RAB44: variants seen among roughly 807,000 people sequenced by gnomAD.
RAB44 encodes the protein ras-related protein Rab-44.
RAB44 carries 67 observed loss-of-function variants against 93.3 expected under a neutral mutation model. The observed-to-expected ratio is 0.72, with a 90% CI of 0.59 to 0.88. The LOEUF (loss-of-function observed/expected upper bound fraction) is 0.88. RAB44 is among the 40% of genes least tolerant of loss of function. The pLI is 0.00. For missense variants in RAB44, 1,064 were observed against 1,261.7 expected (o/e 0.84, Z 2.37); for synonymous variants, 427 against 520.3 (o/e 0.82, Z 2.44).
chr6:36,717,648 G>A lies in RAB44; in HGVS notation c.641+229G>A, dbSNP rs765766879. Among the ~76,000 whole-genome samples the A allele has an allele frequency of 5.9e-5, 9 of 151,696 alleles. No individual in the cohort carries two copies. The highest frequency in any genetic ancestry group is 1.3e-4 in the Non-Finnish European group (9 of 67,842). On this transcript the variant is annotated intron_variant, in intron 5 of 13. Coordinates refer to ENST00000612677, the MANE Select transcript of RAB44 (RefSeq NM_001257357.2). The surrounding 1 kb of genome is among the most constrained non-coding windows in gnomAD (Gnocchi z 4.1). ...GTCTTGGTACAGGACCCACTGTGAC[G>A]CCCAACTCCAGGGGGCCTGCTCCCG...
chr6:36,709,578 C>T (rs1163494776), intron 2 of RAB44, among the ~76,000 whole-genome samples: 3 of 152,132 alleles, frequency 2.0e-5, no homozygotes, highest in Non-Finnish European at 4.4e-5. Context: ...TGTTTTGAGA[C>T]AGGGTCTTGC....
chr6:36,729,971 A>G (rs1763324507), intron 12 of RAB44, among the ~76,000 whole-genome samples: 1 of 152,190 alleles, frequency 6.6e-6, no homozygotes, highest in African/African-American at 2.4e-5. Context: ...ATTTGGCAGC[A>G]ATTGGTGGTT....
chr6:36,711,547 TAAG>T (rs1426405089), intron 2 of RAB44, among the ~76,000 whole-genome samples: 10 of 152,342 alleles, frequency 6.6e-5, no homozygotes, highest in East Asian at 5.8e-4. Context: ...TAGCGATTTC[TAAG>T]AAGAATTGTT....
chr6:36,706,187 G>A (rs992122534), intron 2 of RAB44, among the ~76,000 whole-genome samples: 1 of 151,972 alleles, frequency 6.6e-6, no homozygotes. Context: ...GGTGTGAGCT[G>A]CCATGCCCAG....
At position 36,720,471 on chromosome 6, in the gene RAB44, C is replaced by A; in HGVS notation, c.937C>A (p.Arg313=). 8.1e-7 allele frequency: 1 copy of A among 1,233,014 alleles called. No homozygotes were observed. Among genetic ancestry groups the A allele is most frequent in the Non-Finnish European group, 1.0e-6 (1 of 988,356 alleles). 76.4% of individuals were successfully genotyped at this position (1,233,014 alleles called of 1,614,324 possible). A position where few individuals can be genotyped will look rare whatever the true frequency, so the allele number is the denominator to read the frequency against. ...RDLAGRLEEV[R]GQLQVTRGRL... ...CCTGGCTGGGCGGCTGGAGGAGGTG[C>A]GGGGGCAGCTGCAGGTGACCAGGGG... is the stretch of plus-strand genomic sequence containing the variant. The change falls in exon 8 of 14, where the codon CGG becomes AGG. Residue 313 remains arginine (R), a synonymous_variant. Coordinates refer to ENST00000612677, the MANE Select transcript of RAB44 (RefSeq NM_001257357.2).
Position 36,707,256 on chromosome 6 carries a change from C to T in RAB44, c.207+2814C>T, listed in dbSNP as rs560197225. On this transcript the variant is annotated intron_variant, in intron 2 of 13. Coordinates refer to ENST00000612677, the MANE Select transcript of RAB44 (RefSeq NM_001257357.2). ...TCTGTAATCCTAGCTACTTGGGAGG[C>T]TGAGGCAGGAAAATCACTTCAACGT... 4.0e-5 allele frequency among the ~76,000 whole-genome samples: 6 copies of T among 151,896 alleles called. 1 individual carries two copies. The highest frequency in any genetic ancestry group is 3.9e-4 in the Admixed American group (6 of 15,238).
Position 36,718,537 on chromosome 6 carries a change from C to T in RAB44, c.777C>T (p.Val259=), listed in dbSNP as rs1348283943. The change falls in exon 7 of 14, where the codon GTC becomes GTT. Residue 259 remains valine (V), a synonymous_variant. Coordinates refer to ENST00000612677, the MANE Select transcript of RAB44 (RefSeq NM_001257357.2). The part of the protein sequence containing the change: ...GLALTSQMQD[V]LEAKEREVQR... ...CCCTCACCTCCCAGATGCAGGACGTCCTAGAGGCCAAGGAGCGCGAGGTGC... is the reference window on the plus strand; with the variant it reads ...CCCTCACCTCCCAGATGCAGGACGTTCTAGAGGCCAAGGAGCGCGAGGTGC... 6 of 1,234,138 alleles carry T rather than the reference C, an allele frequency of 4.9e-6. No individual in the cohort carries two copies. In the South Asian group the frequency reaches 2.0e-4, roughly 42 times the overall value. 76.4% of individuals were successfully genotyped at this position (1,234,138 alleles called of 1,614,324 possible).
intron 9 of RAB44, among the ~76,000 whole-genome samples, chr6:36,724,652 TCAACCAACCAACCAACCAACCAAC>T (rs76700851): frequency 1.3e-5 from 2 of 148,806 alleles, no homozygotes; most frequent in African/African-American, 5.0e-5. Context: ...AACCAACCAA[TCAACCAACCAACCAACCAACCAAC>T]CAACCAACCA....
chr6:36,709,798 C>G (rs1762737527), intron 2 of RAB44, among the ~76,000 whole-genome samples: 1 of 152,192 alleles, frequency 6.6e-6, no homozygotes, highest in Admixed American at 6.5e-5. Context: ...CTCAAGTGAT[C>G]CACCTGCCTA....
chr6:36,729,000 G>A (rs1763300959), intron 12 of RAB44, among the ~76,000 whole-genome samples, 199 bp downstream of exon 12: 1 of 152,210 alleles, frequency 6.6e-6, no homozygotes, highest in Admixed American at 6.5e-5. Context: ...GGCCTCTGGA[G>A]ATGCGCTTTA....
At chr6:36,705,445 G>C (rs1015008447) in intron 2 of RAB44, among the ~76,000 whole-genome samples, 1 of 122,052 alleles carries the variant, frequency 8.2e-6, no homozygotes, top group East Asian at 2.9e-4. Flanking sequence ...TCAGAGGCAC[G>C]ATCTCAGCTC....
At chr6:36,701,068 C>A (rs1199086214) in intron 1 of RAB44, among the ~76,000 whole-genome samples, 1 of 152,206 alleles carries the variant, frequency 6.6e-6, no homozygotes, top group Non-Finnish European at 1.5e-5. Flanking sequence ...CCCGTAGAAT[C>A]TTATTCCTCA....
At chr6:36,728,823 C>G in intron 12 of RAB44, 22 bp downstream of exon 12, 1 of 1,527,440 alleles carries the variant, frequency 6.5e-7, no homozygotes, top group Non-Finnish European at 8.9e-7. Flanking sequence ...GGCATCAGCC[C>G]GTCTCTGTGC....
At position 36,720,466 on chromosome 6, in the gene RAB44, A is replaced by G; in HGVS notation, c.932A>G (p.Glu311Gly). Reference protein sequence around the residue: ...AKRDLAGRLEEVRGQLQVTRG... With the variant: ...AKRDLAGRLEGVRGQLQVTRG... ...CGTGACCTGGCTGGGCGGCTGGAGG[A>G]GGTGCGGGGGCAGCTGCAGGTGACC... Residue 311 changes from glutamate to glycine, a missense_variant, in exon 8 of 14, where the codon GAG (glutamate) becomes GGG (glycine). Physicochemically the swap from Glu to Gly is moderately conservative, Grantham distance 98. Coordinates refer to ENST00000612677, the MANE Select transcript of RAB44 (RefSeq NM_001257357.2). 8.1e-7 allele frequency: 1 copy of G among 1,233,032 alleles called. No homozygotes were observed. The highest frequency in any genetic ancestry group is 1.0e-6 in the Non-Finnish European group (1 of 988,356). 76.4% of individuals were successfully genotyped at this position (1,233,032 alleles called of 1,614,324 possible).
chr6:36,702,289 AGG>A (rs1295768407), intron 1 of RAB44, among the ~76,000 whole-genome samples: 1 of 123,552 alleles, frequency 8.1e-6, no homozygotes, highest in Non-Finnish European at 1.7e-5. Flanking sequence ...CAGACTTCGA[AGG>A]GGGAGAGAGA....
chr6:36,711,393 A>G (rs1762783140), intron 2 of RAB44, among the ~76,000 whole-genome samples: 1 of 152,260 alleles, frequency 6.6e-6, no homozygotes, highest in African/African-American at 2.4e-5. Context: ...AACAGAATGT[A>G]TACTTGAATT....
At chr6:36,709,495 T>C (rs76773435) in intron 2 of RAB44, among the ~76,000 whole-genome samples, 2,344 of 152,322 alleles carry the variant, frequency 0.015, 54 homozygotes, top group African/African-American at 0.05. Flanking sequence ...CAAAGTTTTG[T>C]TTGTCTGTCG....
In RAB44 at chr6:36,730,659, T is replaced by G. The variant is rs1582649646; in HGVS notation, c.2899-14T>G. 1 of 1,233,300 alleles carries G rather than the reference T, an allele frequency of 8.1e-7. No individual in the cohort carries two copies. The highest frequency in any genetic ancestry group is 1.0e-6 in the Non-Finnish European group (1 of 987,260). The allele number at this position is 1,233,300 out of a possible 1,614,324, so 76.4% of individuals were successfully genotyped here. On this transcript the variant is annotated splice_polypyrimidine_tract_variant and intron_variant, in intron 12 of 13. Coordinates refer to ENST00000612677, the MANE Select transcript of RAB44 (RefSeq NM_001257357.2). ...CTCCCAAGGCACATATGTCCCTCCCTGTCTGGCCTGCAGGAACTGGGGGTC... is the reference window on the plus strand; with the variant it reads ...CTCCCAAGGCACATATGTCCCTCCCGGTCTGGCCTGCAGGAACTGGGGGTC...
chr6:36,715,518 G>T lies in RAB44; in HGVS notation c.359G>T (p.Arg120Leu). 6.5e-7 allele frequency: 1 copy of T among 1,536,120 alleles called. No individual in the cohort carries two copies. The highest frequency in any genetic ancestry group is 8.7e-7 in the Non-Finnish European group (1 of 1,146,902). Residue 120 changes from arginine (R) to leucine (L), a missense_variant, in exon 4 of 14, where the codon CGC (arginine) becomes CTC (leucine). Transcript: ENST00000612677. ...FGSSQSPHRL[R>L]RRKPLPSKRV... is the part of the protein sequence containing the mutation. ...TCCAGCCAGAGCCCCCACAGGCTCC[G>T]CAGAAGGAAGCCACTGCCCTCTAAG...
Sources: allele counts gnomAD v4.1 joint callset (sites outside exome capture counted in the v4.1 genomes callset), GRCh38; gene constraint gnomAD v4.1.1; non-coding constraint Gnocchi (gnomAD v3.1); transcripts MANE v1.5; gene names NCBI Gene and HGNC (gene_info 2026-07-23, HGNC 2026-07-21).